Variants in DCAF5 observed in about 807,000 individuals in gnomAD.
DCAF5 encodes DDB1 and CUL4 associated factor 5.
A neutral mutation model predicts 80.7 loss-of-function variants in DCAF5; 9 were observed. That is an observed-to-expected ratio of 0.11 (90% CI 0.07 to 0.19). The LOEUF (loss-of-function observed/expected upper bound fraction) is 0.19. DCAF5 is among the 10% of genes least tolerant of loss of function. The pLI, the probability that DCAF5 is intolerant of heterozygous loss-of-function variation, is 1.00. For synonymous variants in DCAF5, 433 were observed against 461.9 expected, an observed-to-expected ratio of 0.94 and a Z score of 0.80; for missense variants, 842 against 1,205.7, an observed-to-expected ratio of 0.70 and a Z score of 4.47.
chr14:69,147,817 A>C (rs993903704), intron 1 of DCAF5, among the ~76,000 whole-genome samples: 1 of 152,234 alleles, frequency 6.6e-6, no homozygotes, highest in South Asian at 2.1e-4. Flanking sequence ...AGTCATAAGC[A>C]CACAAAAAAG....
At position 69,053,050 on chromosome 14, in the gene DCAF5, G is replaced by A. The variant is rs2037813038; in HGVS notation, c.*807C>T. ...GCCTCTTAGGATCTAGCACCTAACT[G>A]GTTAAAGTCTGTTATCCATGACTAG... On this transcript the variant is annotated 3_prime_UTR_variant, in exon 9 of 9. Transcript: ENST00000341516. 6.6e-6 allele frequency: 1 copy of A among 152,164 alleles called. No homozygotes were observed. Among genetic ancestry groups the A allele is most frequent in the Non-Finnish European group, 1.5e-5 (1 of 68,042 alleles). 9.4% of individuals were successfully genotyped at this position (152,164 alleles called of 1,614,324 possible). A position where few individuals can be genotyped will look rare whatever the true frequency, so the allele number is the denominator to read the frequency against.
intron 8 of DCAF5, among the ~76,000 whole-genome samples, chr14:69,058,894 GAAAGAAAAGAAGGA>G (rs1408072053): frequency 1.3e-5 from 2 of 150,174 alleles, no homozygotes; most frequent in African/African-American, 4.9e-5. Flanking sequence ...AAAAAAAAAG[GAAAGAAAAGAAGGA>G]AAAGAAAGGA....
intron 7 of DCAF5, among the ~76,000 whole-genome samples, chr14:69,066,911 G>A (rs1009708579): frequency 2.0e-5 from 3 of 152,162 alleles, no homozygotes; most frequent in Admixed American, 6.5e-5. Context: ...GAATGAGTAC[G>A]TTTTTGACTC....
intron 6 of DCAF5, chr14:69,085,322 T>A: frequency 1.4e-6 from 1 of 703,584 alleles, no homozygotes. Context: ...ACCAAGAAAG[T>A]TGAGAAGTCC....
intron 8 of DCAF5, among the ~76,000 whole-genome samples, chr14:69,056,655 A>C (rs2037982845): frequency 1.3e-5 from 2 of 152,186 alleles, no homozygotes; most frequent in Admixed American, 6.5e-5. Flanking sequence ...GATGGCATCC[A>C]ACCCAGAAAA....
intron 1 of DCAF5, among the ~76,000 whole-genome samples, chr14:69,135,071 C>T (rs1320713936): frequency 6.6e-6 from 1 of 152,142 alleles, no homozygotes; most frequent in South Asian, 2.1e-4. Context: ...TGAAAGGATA[C>T]GATGTCATAA....
chr14:69,066,668 T>C (rs72718279), intron 7 of DCAF5, among the ~76,000 whole-genome samples: 3,439 of 152,270 alleles, frequency 0.023, 56 homozygotes, highest in Non-Finnish European at 0.034. Flanking sequence ...TTGCTCAAAA[T>C]TCAGATAAAG....
intron 7 of DCAF5, among the ~76,000 whole-genome samples, chr14:69,067,299 G>C (rs971732733): frequency 3.0e-5 from 4 of 134,606 alleles, no homozygotes; most frequent in Non-Finnish European, 6.5e-5. Flanking sequence ...CCCAATAAAT[G>C]TTTCTTTTTT....
chr14:69,105,929 A>ATATATATATATATATATC (rs2040133534), intron 5 of DCAF5, among the ~76,000 whole-genome samples: 1 of 83,016 alleles, frequency 1.2e-5, no homozygotes, highest in Non-Finnish European at 2.5e-5. Context: ...ATATATATAT[A>ATATATATATATATATATC]TATATATATA....
At chr14:69,097,565 G>GTAT in intron 5 of DCAF5, among the ~76,000 whole-genome samples, 1 of 145,344 alleles carries the variant, frequency 6.9e-6, no homozygotes, top group African/African-American at 2.5e-5. Context: ...ATCACCCACT[G>GTAT]GATTATTATT....
At chr14:69,077,306 G>A (rs2038936465) in intron 6 of DCAF5, among the ~76,000 whole-genome samples, 1 of 152,142 alleles carries the variant, frequency 6.6e-6, no homozygotes, top group Non-Finnish European at 1.5e-5. Flanking sequence ...GGGCTCCAGT[G>A]ATCCTCCTGC....
At chr14:69,126,671 A>G (rs1307276384) in intron 1 of DCAF5, among the ~76,000 whole-genome samples, 3 of 152,248 alleles carry the variant, frequency 2.0e-5, no homozygotes, top group African/African-American at 7.2e-5. Flanking sequence ...ACTAATATAC[A>G]GTAATCAAGA....
At chr14:69,116,605 AAC>A in intron 4 of DCAF5, 110 bp from the exon 5 acceptor site, 1 of 1,344,044 alleles carries the variant, frequency 7.4e-7, no homozygotes, top group Non-Finnish European at 1.0e-6. Flanking sequence ...TAACCACTCC[AAC>A]GGCCTGGAGC....
chr14:69,124,263 A>G (rs1191971235), intron 1 of DCAF5, among the ~76,000 whole-genome samples: 3 of 152,134 alleles, frequency 2.0e-5, no homozygotes, highest in Non-Finnish European at 4.4e-5. Flanking sequence ...CCTTTTGGCT[A>G]TTGTGAATAA....
intron 7 of DCAF5, among the ~76,000 whole-genome samples, chr14:69,069,858 C>T (rs966133147): frequency 4.6e-5 from 7 of 151,994 alleles, no homozygotes; most frequent in Admixed American, 2.6e-4. Context: ...AGGCATCAAG[C>T]GATCCTCCCA....
chr14:69,105,943 A>ATATATATATCTATCTATCTATCTATC (rs1223858774), intron 5 of DCAF5, among the ~76,000 whole-genome samples: 7 of 74,172 alleles, frequency 9.4e-5, no homozygotes, highest in African/African-American at 2.3e-4. Context: ...ATATATATAT[A>ATATATATATCTATCTATCTATCTATC]TATCTCCTAT....
intron 5 of DCAF5, among the ~76,000 whole-genome samples, chr14:69,099,905 T>C (rs944030124): frequency 1.3e-5 from 2 of 152,042 alleles, no homozygotes; most frequent in African/African-American, 2.4e-5. Context: ...AATAAGACAC[T>C]GTCTCAAAGA....
intron 6 of DCAF5, chr14:69,090,972 G>A (rs533559294): frequency 1.6e-6 from 1 of 644,512 alleles, no homozygotes. Flanking sequence ...TCGGCTTGGT[G>A]ACCCAGATTA....
chr14:69,105,931 A>ATC (rs1238729612), intron 5 of DCAF5, among the ~76,000 whole-genome samples: 2 of 100,696 alleles, frequency 2.0e-5, no homozygotes, highest in Non-Finnish European at 4.8e-5. Flanking sequence ...ATATATATAT[A>ATC]TATATATATA....
Sources: gnomAD v4.1 joint callset for allele counts (sites outside exome capture counted in the v4.1 genomes callset) on GRCh38, gnomAD v4.1.1 for gene constraint, MANE v1.5 for transcripts, NCBI Gene and HGNC (gene_info 2026-07-23, HGNC 2026-07-21) for gene names.